BCHE: variants seen among roughly 807,000 people sequenced by gnomAD.
BCHE encodes cholinesterase.
Under a neutral mutation model 51.3 loss-of-function variants are expected in BCHE, and 48 were observed. That is an observed-to-expected ratio of 0.94 (90% CI 0.74 to 1.19). BCHE has a LOEUF of 1.19. Among genes scored for constraint, BCHE ranks in the 50% most tolerant of loss-of-function variants. BCHE has a pLI of 0.00. For missense variants in BCHE, 847 were observed against 708.2 expected (o/e 1.20, Z -2.23); for synonymous variants, 251 against 238.0 (o/e 1.05, Z -0.50).
intron 2 of BCHE, among the ~76,000 whole-genome samples, chr3:165,807,395 A>G (rs1029368056): frequency 1.3e-5 from 2 of 151,992 alleles, no homozygotes; most frequent in African/African-American, 4.8e-5. Flanking sequence ...TTTAGAATAC[A>G]ATAATACTTT....
chr3:165,811,704 T>C (rs1714104066), intron 2 of BCHE, among the ~76,000 whole-genome samples: 1 of 152,032 alleles, frequency 6.6e-6, no homozygotes. Flanking sequence ...AGCAAGATGA[T>C]AGTGTACACA....
intron 2 of BCHE, among the ~76,000 whole-genome samples, chr3:165,790,654 A>G (rs6773837): frequency 0.079 from 12,071 of 152,244 alleles, 724 homozygotes; most frequent in African/African-American, 0.17. Context: ...AGACTGGAAG[A>G]TTAAACTTGA....
At chr3:165,814,487 T>C (rs1343470360) in intron 2 of BCHE, among the ~76,000 whole-genome samples, 1 of 152,140 alleles carries the variant, frequency 6.6e-6, no homozygotes, top group Non-Finnish European at 1.5e-5. Context: ...TAATCCTTAC[T>C]TTCCTCAGCT....
intron 3 of BCHE, among the ~76,000 whole-genome samples, chr3:165,780,746 TAAAGTC>T (rs1326326053): frequency 1.3e-5 from 2 of 152,030 alleles, no homozygotes; most frequent in Non-Finnish European, 2.9e-5. Flanking sequence ...GCAATTATTA[TAAAGTC>T]AAGAAACAAT....
intron 1 of BCHE, among the ~76,000 whole-genome samples, chr3:165,836,561 G>A (rs561499381): frequency 1.3e-5 from 2 of 151,892 alleles, no homozygotes; most frequent in African/African-American, 4.8e-5. Context: ...TTAATTCCCT[G>A]GTTAAAGTGG....
chr3:165,809,190 T>C (rs947248230), intron 2 of BCHE, among the ~76,000 whole-genome samples: 4 of 152,186 alleles, frequency 2.6e-5, no homozygotes, highest in Non-Finnish European at 5.9e-5. Flanking sequence ...TGGACTTTCA[T>C]GTTTCTATAT....
chr3:165,825,588 C>T (rs1485175055), intron 2 of BCHE, among the ~76,000 whole-genome samples: 2 of 151,924 alleles, frequency 1.3e-5, no homozygotes, highest in African/African-American at 4.8e-5. Flanking sequence ...TTTTAGGGTA[C>T]ATGTGCACAA....
At chr3:165,795,218 C>T (rs1044511632) in intron 2 of BCHE, among the ~76,000 whole-genome samples, 8 of 152,262 alleles carry the variant, frequency 5.3e-5, no homozygotes, top group African/African-American at 1.9e-4. Context: ...CTTCAAGTGT[C>T]GTGACATAGC....
chr3:165,782,115 CAT>C (rs1403625168), intron 3 of BCHE, among the ~76,000 whole-genome samples: 6 of 152,026 alleles, frequency 3.9e-5, no homozygotes, highest in Non-Finnish European at 5.9e-5. Context: ...GAATATATCA[CAT>C]ATATATATTC....
At chr3:165,811,159 AACT>A (rs2108221565) in intron 2 of BCHE, among the ~76,000 whole-genome samples, 2 of 152,268 alleles carry the variant, frequency 1.3e-5, no homozygotes, top group East Asian at 3.9e-4. Context: ...CAAGAATCGA[AACT>A]ATCTTGCTCA....
intron 2 of BCHE, among the ~76,000 whole-genome samples, chr3:165,827,678 A>C (rs1714778137): frequency 6.6e-6 from 1 of 152,042 alleles, no homozygotes; most frequent in South Asian, 2.1e-4. Flanking sequence ...TCCTTAAATG[A>C]TTTACAGTTC....
chr3:165,811,985 A>G (rs1207352580), intron 2 of BCHE, among the ~76,000 whole-genome samples: 1 of 151,970 alleles, frequency 6.6e-6, no homozygotes, highest in Non-Finnish European at 1.5e-5. Flanking sequence ...TTCAATCTCC[A>G]GAGATTCCTT....
At chr3:165,819,266 A>G (rs1283663759) in intron 2 of BCHE, among the ~76,000 whole-genome samples, 2 of 6,002 alleles carry the variant, frequency 3.3e-4, no homozygotes, top group African/African-American at 4.5e-3. Flanking sequence ...CTTAGTAGAG[A>G]TGGGGTTTAC....
intron 1 of BCHE, among the ~76,000 whole-genome samples, chr3:165,835,820 TAG>T (rs1715168791): frequency 6.6e-6 from 1 of 151,958 alleles, no homozygotes; most frequent in Non-Finnish European, 1.5e-5. Flanking sequence ...GAACATTTAT[TAG>T]AGAGATTTCT....
chr3:165,809,685 A>G (rs1370315434), intron 2 of BCHE, among the ~76,000 whole-genome samples: 21 of 152,118 alleles, frequency 1.4e-4, no homozygotes, highest in Admixed American at 1.4e-3. Flanking sequence ...TAATTCACCC[A>G]AATTTCCATG....
chr3:165,825,394 G>GA (rs201686760), intron 2 of BCHE, among the ~76,000 whole-genome samples: 1,600 of 148,674 alleles, frequency 0.011, 13 homozygotes, highest in Middle Eastern at 0.024. Context: ...GAAGAAAACA[G>GA]AAAAAAAAAC....
At chr3:165,792,959 T>C (rs1273161451) in intron 2 of BCHE, among the ~76,000 whole-genome samples, 2 of 152,196 alleles carry the variant, frequency 1.3e-5, no homozygotes, top group Admixed American at 1.3e-4. Context: ...CAAATACTTT[T>C]TCTCATTCTG....
At chr3:165,820,681 G>C (rs561234147) in intron 2 of BCHE, among the ~76,000 whole-genome samples, 1 of 151,990 alleles carries the variant, frequency 6.6e-6, no homozygotes, top group East Asian at 1.9e-4. Context: ...TTATCTGTCG[G>C]AAAATCTAAT....
chr3:165,818,572 T>C (rs1714392425), intron 2 of BCHE, among the ~76,000 whole-genome samples: 1 of 152,132 alleles, frequency 6.6e-6, no homozygotes, highest in Admixed American at 6.6e-5. Flanking sequence ...ATTAATGCAT[T>C]TTACACAGAG....
Sources: gnomAD v4.1 joint callset for allele counts (sites outside exome capture counted in the v4.1 genomes callset) on GRCh38, gnomAD v4.1.1 for gene constraint, MANE v1.5 for transcripts, NCBI Gene and HGNC (gene_info 2026-07-23, HGNC 2026-07-21) for gene names.